Variants in NRG1 observed in about 807,000 individuals in gnomAD.
The protein encoded by NRG1 is neuregulin 1, also known as pro-neuregulin-1, membrane-bound isoform.
Under a neutral mutation model 63.8 loss-of-function variants are expected in NRG1, and 18 were observed. The observed-to-expected ratio is 0.28, with a 90% confidence interval of 0.19 to 0.42. The LOEUF (loss-of-function observed/expected upper bound fraction) is 0.42, where lower values mean the gene tolerates loss of function less well. Ranked by LOEUF, NRG1 falls within the 10% of genes least tolerant of loss-of-function variation. The pLI is 1.00. For synonymous variants in NRG1, 302 were observed against 301.3 expected, an observed-to-expected ratio of 1.00 and a Z score of -0.02; for missense variants, 762 against 814.7, an observed-to-expected ratio of 0.94 and a Z score of 0.79.
intron 1 of NRG1, among the ~76,000 whole-genome samples, chr8:32,477,703 C>A (rs745386436): frequency 1.2e-4 from 19 of 152,056 alleles, no homozygotes; most frequent in Non-Finnish European, 1.8e-4. Flanking sequence ...ATAGAGGATA[C>A]AGAAAGATAA....
chr8:32,094,788 T>C (rs1029655394), intron 1 of NRG1, among the ~76,000 whole-genome samples: 3 of 152,026 alleles, frequency 2.0e-5, no homozygotes, highest in Admixed American at 1.3e-4. Flanking sequence ...CCCGCAAAAG[T>C]TTATTTTTTA....
At chr8:31,759,544 A>C (rs1288680270) in intron 1 of NRG1, among the ~76,000 whole-genome samples, 1 of 152,066 alleles carries the variant, frequency 6.6e-6, no homozygotes, top group East Asian at 1.9e-4. Context: ...TAAGTCACTT[A>C]TATAAGTGTG....
intron 1 of NRG1, among the ~76,000 whole-genome samples, chr8:32,458,827 AGAG>A (rs1821939085): frequency 6.6e-6 from 1 of 152,206 alleles, no homozygotes; most frequent in South Asian, 2.1e-4. Flanking sequence ...CAGCTAAAGG[AGAG>A]GAGAGGATCA....
intron 1 of NRG1, among the ~76,000 whole-genome samples, chr8:32,114,979 T>C (rs186155682): frequency 1.3e-5 from 2 of 152,028 alleles, no homozygotes; most frequent in African/African-American, 2.4e-5. Context: ...AGCAGGCTCT[T>C]GAATAATGCA....
intron 1 of NRG1, among the ~76,000 whole-genome samples, chr8:31,777,990 T>G (rs899041173): frequency 2.6e-5 from 4 of 152,058 alleles, no homozygotes; most frequent in Admixed American, 2.6e-4. Flanking sequence ...ATATCCAAAC[T>G]CTATTATCCC....
At position 31,778,617 on chromosome 8, in the gene NRG1, G is replaced by A. The variant is rs114290793; in HGVS notation, c.37+139186G>A. On this transcript the variant is annotated intron_variant, in intron 1 of 10. Coordinates refer to the NRG1 transcript ENST00000519301. ...AAATGCACTGTTGCCTGGCTTGTTAGTTTTGTAAGAATAGGGATAATAATA... is the reference window on the plus strand; with the variant it reads ...AAATGCACTGTTGCCTGGCTTGTTAATTTTGTAAGAATAGGGATAATAATA... Among the ~76,000 whole-genome samples the A allele has an allele frequency of 3.9e-3, 596 of 152,306 alleles. 3 individuals are homozygous for A. Among genetic ancestry groups the A allele is most frequent in the African/African-American group, 0.013 (559 of 41,568 alleles).
intron 5 of NRG1, among the ~76,000 whole-genome samples, chr8:32,688,702 A>G (rs1365887407): frequency 1.3e-5 from 2 of 152,218 alleles, no homozygotes; most frequent in Non-Finnish European, 2.9e-5. Flanking sequence ...GTGTAATAAC[A>G]GTGACTTTTT....
At chr8:32,768,792 C>A (rs1165870713), downstream of NRG1, among the ~76,000 whole-genome samples, 1 of 152,076 alleles carries the variant, frequency 6.6e-6, no homozygotes, top group Non-Finnish European at 1.5e-5. Context: ...GTCAGCAATC[C>A]TTTGGGGTGA....
chr8:32,504,031 G>C (rs2129497565), intron 1 of NRG1, among the ~76,000 whole-genome samples: 1 of 152,284 alleles, frequency 6.6e-6, no homozygotes, highest in East Asian at 1.9e-4. Context: ...GCCCACTTGA[G>C]GTATTTTTTC....
rs543485766 is a variant in NRG1 at position 31,816,475 on chromosome 8, A to G, written c.37+177044A>G. On this transcript the variant is annotated intron_variant, in intron 1 of 10. Transcript: ENST00000519301. ...TTTAAGGAAGTAGAAAACTCTCAAC[A>G]TTTAGAAACACTTACAAGCATATGA... Among the ~76,000 whole-genome samples the G allele has an allele frequency of 7.9e-5, 12 of 152,294 alleles. No individual in the cohort carries two copies. In the East Asian group the frequency reaches 1.9e-3, roughly 24 times the overall value.
At chr8:31,947,964 A>C (rs1440219939) in intron 1 of NRG1, among the ~76,000 whole-genome samples, 2 of 150,686 alleles carry the variant, frequency 1.3e-5, no homozygotes, top group Admixed American at 6.6e-5. Context: ...AAAAAAAAAA[A>C]AAAAAAAACT....
intron 1 of NRG1, among the ~76,000 whole-genome samples, chr8:32,365,699 A>G (rs1234384734): frequency 6.6e-6 from 1 of 152,322 alleles, no homozygotes; most frequent in African/African-American, 2.4e-5. Flanking sequence ...GCGAAAAAGC[A>G]GCCACAGACA....
intron 1 of NRG1, among the ~76,000 whole-genome samples, chr8:32,395,215 A>AGTGAACAACAGTTTATTC (rs936869835): frequency 2.6e-5 from 4 of 152,208 alleles, no homozygotes; most frequent in Non-Finnish European, 4.4e-5. Context: ...CAATAATCAT[A>AGTGAACAACAGTTTATTC]GTGAACAACA....
intron 1 of NRG1, among the ~76,000 whole-genome samples, chr8:32,331,578 G>A (rs1257523531): frequency 6.6e-6 from 1 of 151,988 alleles, no homozygotes; most frequent in Non-Finnish European, 1.5e-5. Flanking sequence ...AATTTAATAT[G>A]CATGAACACA....
intron 1 of NRG1, among the ~76,000 whole-genome samples, chr8:32,288,716 C>T (rs1476316316): frequency 1.3e-5 from 2 of 152,104 alleles, no homozygotes; most frequent in Non-Finnish European, 2.9e-5. Context: ...TTCTTCATTT[C>T]CTTTTGCATC....
At chr8:32,661,022 A>G (rs141165991) in intron 5 of NRG1, among the ~76,000 whole-genome samples, 3 of 152,130 alleles carry the variant, frequency 2.0e-5, no homozygotes, top group Non-Finnish European at 4.4e-5. Context: ...TGTGTGATTT[A>G]TGTGTTACCA....
intron 1 of NRG1, among the ~76,000 whole-genome samples, chr8:32,326,604 C>T (rs1341511823): frequency 2.6e-5 from 4 of 152,110 alleles, no homozygotes; most frequent in African/African-American, 7.2e-5. Context: ...TCTGGGACTA[C>T]AGGCATGAGC....
chr8:32,206,497 G>C (rs563501038), intron 1 of NRG1, among the ~76,000 whole-genome samples: 7 of 152,234 alleles, frequency 4.6e-5, no homozygotes, highest in Non-Finnish European at 7.4e-5. Context: ...TGCATATTTT[G>C]GCAATAGCTT....
intron 1 of NRG1, among the ~76,000 whole-genome samples, chr8:32,144,730 G>A (rs931057191): frequency 3.3e-5 from 5 of 151,982 alleles, no homozygotes; most frequent in South Asian, 2.1e-4. Flanking sequence ...GGAGATGCTC[G>A]CTTAAACAAG....
Sources: gnomAD v4.1 joint callset for allele counts (sites outside exome capture counted in the v4.1 genomes callset) on GRCh38, gnomAD v4.1.1 for gene constraint, MANE v1.5 for transcripts, NCBI Gene and HGNC (gene_info 2026-07-23, HGNC 2026-07-21) for gene names.